Variants in ZNF415 observed in about 807,000 individuals in gnomAD.
The protein encoded by ZNF415 is zinc finger protein 415.
Under a neutral mutation model 7.3 loss-of-function variants are expected in ZNF415, and 5 were observed. The ratio of observed to expected loss-of-function variants is 0.69; its 90% CI spans 0.36 to 1.44. ZNF415 has a LOEUF of 1.44. Among genes scored for constraint, ZNF415 ranks in the 40% most tolerant of loss-of-function variants. The probability of loss-of-function intolerance (pLI) is 0.04; values close to 1 mark genes in which losing one functional copy is unlikely to be tolerated. For synonymous variants in ZNF415, 207 were observed against 226.3 expected (o/e 0.91, Z 0.77); for missense variants, 628 against 664.8 (o/e 0.94, Z 0.61).
At chr19:53,131,990 ACT>A (rs928342439) in intron 1 of ZNF415, among the ~76,000 whole-genome samples, 6 of 144,898 alleles carry the variant, frequency 4.1e-5, no homozygotes, top group Admixed American at 6.9e-5. Context: ...GCTCTCCCCC[ACT>A]CTCTGTCTGA....
intron 1 of ZNF415, among the ~76,000 whole-genome samples, chr19:53,127,685 T>C (rs1220318122): frequency 1.3e-5 from 2 of 152,086 alleles, no homozygotes; most frequent in Non-Finnish European, 2.9e-5. Flanking sequence ...GAGACCATCC[T>C]GGCCAACATG....
At chr19:53,125,956 A>C (rs1383990623) in intron 1 of ZNF415, among the ~76,000 whole-genome samples, 2 of 151,598 alleles carry the variant, frequency 1.3e-5, no homozygotes, top group Non-Finnish European at 2.9e-5. Flanking sequence ...ATAAAATAAA[A>C]TAAACTGGAT....
At chr19:53,131,269 C>G (rs1332341677) in intron 1 of ZNF415, among the ~76,000 whole-genome samples, 1 of 151,932 alleles carries the variant, frequency 6.6e-6, no homozygotes, top group Non-Finnish European at 1.5e-5. Flanking sequence ...TCCCCTCCCC[C>G]TGCCCCAACG....
At chr19:53,114,756 A>C (rs112107793) in intron 3 of ZNF415, among the ~76,000 whole-genome samples, 301 of 152,310 alleles carry the variant, frequency 2.0e-3, no homozygotes, top group Non-Finnish European at 3.5e-3. Context: ...ACAATCCCAG[A>C]AGAACCAACT....
chr19:53,113,069 A>G (rs1173477016), intron 3 of ZNF415, among the ~76,000 whole-genome samples: 1 of 139,964 alleles, frequency 7.1e-6, no homozygotes, highest in African/African-American at 2.7e-5. Context: ...CTGGGCAACA[A>G]GAGCGAAACT....
At chr19:53,114,325 T>C (rs1346326085) in intron 3 of ZNF415, among the ~76,000 whole-genome samples, 2 of 152,032 alleles carry the variant, frequency 1.3e-5, no homozygotes, top group Non-Finnish European at 2.9e-5. Context: ...TACAGGTGCA[T>C]GCCACCACAC....
At chr19:53,115,361 A>G (rs199595146) in intron 3 of ZNF415, 3 of 227,358 alleles carry the variant, frequency 1.3e-5, no homozygotes, top group Non-Finnish European at 2.6e-5. Context: ...ACAGCAACAA[A>G]TAACAGGAGA....
chr19:53,110,617 C>G (rs1294744562), intron 3 of ZNF415, among the ~76,000 whole-genome samples: 2 of 152,078 alleles, frequency 1.3e-5, no homozygotes, highest in Admixed American at 6.6e-5. Context: ...TGTAGTAACC[C>G]ATGATAAAAA....
In ZNF415 at chr19:53,131,063, C is replaced by CT. The variant is rs59835974; in HGVS notation, c.-68+1792dup. Among the ~76,000 whole-genome samples the CT allele has an allele frequency of 7.0e-4, 36 of 51,604 alleles. 1 individual carries two copies. Among genetic ancestry groups the CT allele is most frequent in the East Asian group, 6.8e-3 (11 of 1,624 alleles). 33.9% of individuals were successfully genotyped at this position (51,604 alleles called of 152,430 possible). On this transcript the variant is annotated intron_variant, in intron 1 of 3. Coordinates refer to ENST00000243643, the MANE Select transcript of ZNF415 (RefSeq NM_018355.4). Reference sequence around the variant, plus strand: ...AAAACATTTTGAGATTTTCTTGCAACTTTTTTTTTTTTTTTTTTTTTTTTT... The same window carrying CT: ...AAAACATTTTGAGATTTTCTTGCAACTTTTTTTTTTTTTTTTTTTTTTTTTT...
chr19:53,129,579 A>G (rs934271432), intron 1 of ZNF415: 7 of 400,512 alleles, frequency 1.7e-5, no homozygotes, highest in African/African-American at 8.2e-5. Flanking sequence ...TGTTGCTCAC[A>G]TTGAGGTTTT....
At chr19:53,113,646 T>C (rs1404678406) in intron 3 of ZNF415, among the ~76,000 whole-genome samples, 4 of 151,458 alleles carry the variant, frequency 2.6e-5, no homozygotes, top group East Asian at 3.9e-4. Flanking sequence ...CTACAACAAA[T>C]TGAACCCAGG....
chr19:53,128,034 C>A (rs570472571), intron 1 of ZNF415, among the ~76,000 whole-genome samples: 2 of 152,130 alleles, frequency 1.3e-5, no homozygotes, highest in Non-Finnish European at 2.9e-5. Context: ...CACAAGCATG[C>A]GTGGGACAGG....
chr19:53,112,649 CAACAGTAT>C (rs2086400433), intron 3 of ZNF415, among the ~76,000 whole-genome samples: 1 of 152,256 alleles, frequency 6.6e-6, no homozygotes, highest in Admixed American at 6.5e-5. Flanking sequence ...TGCTAAAAAG[CAACAGTAT>C]ATTCCATGCA....
intron 1 of ZNF415, among the ~76,000 whole-genome samples, chr19:53,127,704 C>G (rs7247648): frequency 0.23 from 35,150 of 151,706 alleles, 4,852 homozygotes; most frequent in African/African-American, 0.38. Context: ...TGGTGAAACC[C>G]CGTCTTTACT....
Position 53,116,410 on chromosome 19 carries a change from G to A in ZNF415, c.39C>T (p.Ile13=), listed in dbSNP as rs141273921. Residue 13 remains isoleucine (I), a synonymous_variant, in exon 3 of 4, where the codon ATC becomes ATT. Transcript: ENST00000243643. Reference sequence around the variant, plus strand: ...ATTTCCACTCATCTTGAGAGAATTCGATGGCCACGTCCCTGAATGTCAACT... The same window carrying A: ...ATTTCCACTCATCTTGAGAGAATTCAATGGCCACGTCCCTGAATGTCAACT... ...FTQLTFRDVA[I]EFSQDEWKCL... is the part of the protein sequence containing the mutation. 8.1e-5 allele frequency: 130 copies of A among 1,614,022 alleles called. No individual in the cohort carries two copies. Among genetic ancestry groups the A allele is most frequent in the Non-Finnish European group, 1.1e-4 (125 of 1,179,996 alleles).
At chr19:53,117,551 T>C (rs1000703636) in intron 2 of ZNF415, among the ~76,000 whole-genome samples, 1 of 151,586 alleles carries the variant, frequency 6.6e-6, no homozygotes, top group African/African-American at 2.4e-5. Context: ...ATAGAAACCT[T>C]ACAGGCCAAC....
In ZNF415 at chr19:53,125,334, G is replaced by A. The variant is rs539783768; in HGVS notation, c.-67-2591C>T. Among the ~76,000 whole-genome samples, 494 of 151,060 alleles carry A rather than the reference G, an allele frequency of 3.3e-3. 5 individuals carry two copies. Among genetic ancestry groups the A allele is most frequent in the African/African-American group, 0.011 (454 of 41,018 alleles). ...TAGGATTACAGGTGTGAGCCACCGC[G>A]CCTGGCCTTTTTTTTTTTTTTAAAC... On this transcript the variant is annotated intron_variant, in intron 1 of 3. Transcript: ENST00000243643.
At chr19:53,119,082 C>A (rs1192635587) in intron 2 of ZNF415, among the ~76,000 whole-genome samples, 1 of 152,078 alleles carries the variant, frequency 6.6e-6, no homozygotes, top group Non-Finnish European at 1.5e-5. Context: ...AGATCAAGAC[C>A]ATCCTGGCTA....
At chr19:53,115,827 A>G (rs1217530579) in intron 3 of ZNF415, 1 of 1,534,124 alleles carries the variant, frequency 6.5e-7, no homozygotes, top group African/African-American at 1.4e-5. Context: ...CAGGAAGAGA[A>G]TTTCCCGCTT....
Sources: gnomAD v4.1 joint callset for allele counts (sites outside exome capture counted in the v4.1 genomes callset) on GRCh38, gnomAD v4.1.1 for gene constraint, MANE v1.5 for transcripts, NCBI Gene and HGNC (gene_info 2026-07-23, HGNC 2026-07-21) for gene names.